FAM135A: variants seen among roughly 807,000 people sequenced by gnomAD.
The protein encoded by FAM135A is family with sequence similarity 135 member A, also known as protein FAM135A.
Under a neutral mutation model 146.8 loss-of-function variants are expected in FAM135A, and 79 were observed. That is an observed-to-expected ratio of 0.54 (90% CI 0.45 to 0.65). The LOEUF (loss-of-function observed/expected upper bound fraction) is 0.65, where lower values mean the gene tolerates loss of function less well. Ranked by LOEUF, FAM135A falls within the 30% of genes least tolerant of loss-of-function variation. The pLI is 0.00. For missense variants in FAM135A, 1,623 were observed against 1,758.2 expected (o/e 0.92, Z 1.38); for synonymous variants, 562 against 603.6 (o/e 0.93, Z 1.01).
At chr6:70,421,685 A>G (rs184862056) in intron 2 of FAM135A, among the ~76,000 whole-genome samples, 16 of 152,276 alleles carry the variant, frequency 1.1e-4, no homozygotes, top group Non-Finnish European at 1.9e-4. Flanking sequence ...ATTCTCACTT[A>G]GTGACCTGGG....
intron 20 of FAM135A, among the ~76,000 whole-genome samples, chr6:70,548,538 T>C (rs532360799): frequency 6.6e-6 from 1 of 152,324 alleles, no homozygotes; most frequent in African/African-American, 2.4e-5. Context: ...TGAGGAGCCA[T>C]AGACACCCTG....
chr6:70,485,551 G>A (rs1019539410), intron 10 of FAM135A, among the ~76,000 whole-genome samples: 5 of 152,058 alleles, frequency 3.3e-5, no homozygotes, highest in Non-Finnish European at 7.4e-5. Context: ...TTAATAAGTG[G>A]ATACAGAGTA....
intron 12 of FAM135A, among the ~76,000 whole-genome samples, chr6:70,517,967 C>CT (rs1163002245): frequency 6.6e-6 from 1 of 152,078 alleles, no homozygotes; most frequent in African/African-American, 2.4e-5. Context: ...GCAATGATCT[C>CT]TAAGTGTTCA....
At chr6:70,430,503 G>C (rs1174686803) in intron 4 of FAM135A, among the ~76,000 whole-genome samples, 1 of 152,158 alleles carries the variant, frequency 6.6e-6, no homozygotes, top group Admixed American at 6.5e-5. Context: ...TTTGTGGACT[G>C]TCCATATGGC....
At chr6:70,493,415 C>T (rs1786497045) in intron 11 of FAM135A, among the ~76,000 whole-genome samples, 1 of 152,042 alleles carries the variant, frequency 6.6e-6, no homozygotes, top group South Asian at 2.1e-4. Flanking sequence ...TTAAAAATAA[C>T]ATATGTATCC....
At position 70,522,494 on chromosome 6, in the gene FAM135A, C is replaced by G. The variant is rs115498956; in HGVS notation, c.1030-19C>G. 3.4e-3 allele frequency: 5,530 copies of G among 1,610,990 alleles called. 178 individuals are homozygous for G. In the African/African-American group the frequency reaches 0.065, roughly 19 times the overall value. Reference sequence around the variant, plus strand: ...TTAAATACGTCATGTTATTAATACTCTCCTTTGGAATTTTTTAGGTACGCA... The same window carrying G: ...TTAAATACGTCATGTTATTAATACTGTCCTTTGGAATTTTTTAGGTACGCA... On this transcript the variant is annotated intron_variant, in intron 12 of 21. Transcript: ENST00000418814.
intron 20 of FAM135A, among the ~76,000 whole-genome samples, chr6:70,543,313 T>G (rs370454112): frequency 1.1e-4 from 17 of 152,174 alleles, no homozygotes; most frequent in African/African-American, 3.9e-4. Context: ...ATTCTACTCT[T>G]GAAATATTTG....
chr6:70,550,938 G>A (rs1799715451), intron 20 of FAM135A, among the ~76,000 whole-genome samples: 1 of 152,170 alleles, frequency 6.6e-6, no homozygotes, highest in South Asian at 2.1e-4. Context: ...CCACTTTTAT[G>A]TTATGGAGAC....
At chr6:70,541,562 T>C (rs1214850206) in intron 20 of FAM135A, among the ~76,000 whole-genome samples, 1 of 152,172 alleles carries the variant, frequency 6.6e-6, no homozygotes, top group Non-Finnish European at 1.5e-5. Flanking sequence ...AAGCTGTTCT[T>C]GTGTTTTAGC....
chr6:70,438,721 A>G lies in FAM135A; in HGVS notation c.77+10302A>G, dbSNP rs1004601318. Among the ~76,000 whole-genome samples the G allele has an allele frequency of 4.6e-5, 7 of 152,300 alleles. No homozygotes were observed. In the East Asian group the frequency reaches 7.7e-4, roughly 17 times the overall value. On this transcript the variant is annotated intron_variant, in intron 4 of 21. Coordinates refer to ENST00000418814, the MANE Select transcript of FAM135A (RefSeq NM_001162529.3). ...AGTTCTCGACTTTAGGAAAGAAAAA[A>G]TCTCTTATGCAGAGGTTGCTAAAAT...
At chr6:70,455,078 ATTTG>A (rs931143369) in intron 5 of FAM135A, among the ~76,000 whole-genome samples, 16 of 152,264 alleles carry the variant, frequency 1.1e-4, no homozygotes, top group African/African-American at 3.4e-4. Context: ...AATGTTTTCC[ATTTG>A]TTTGTGTCCT....
At chr6:70,533,528 A>G (rs962249959) in intron 17 of FAM135A, among the ~76,000 whole-genome samples, 4 of 152,178 alleles carry the variant, frequency 2.6e-5, no homozygotes, top group African/African-American at 9.6e-5. Flanking sequence ...GTAGTGAGCT[A>G]AACAAACAAA....
In FAM135A at chr6:70,559,893, T is replaced by A. The variant is rs1801634394; in HGVS notation, c.4520T>A (p.Leu1507Gln). Residue 1507 changes from leucine (L) to glutamine (Q), a missense_variant, in exon 22 of 22, where the codon CTG becomes CAG. Physicochemically the swap from Leu to Gln is moderately radical, Grantham distance 113. This residue lies in a region of FAM135A where 138 missense variants were observed against 174.1 expected (regional missense o/e 0.79). Coordinates refer to ENST00000418814, the MANE Select transcript of FAM135A (RefSeq NM_001162529.3). Reference sequence around the variant, plus strand: ...GAAATATTTTTAGAGAAATTCTTTCTGGTTGCTGCCCTCAAATATTTCCAA... The same window carrying A: ...GAAATATTTTTAGAGAAATTCTTTCAGGTTGCTGCCCTCAAATATTTCCAA... ...DSEIFLEKFF[L>Q]VAALKYFQ 1 of 1,613,654 alleles carries A rather than the reference T, an allele frequency of 6.2e-7. No homozygotes were observed. Among genetic ancestry groups the A allele is most frequent in the African/African-American group, 1.3e-5 (1 of 74,928 alleles).
intron 2 of FAM135A, among the ~76,000 whole-genome samples, chr6:70,419,970 C>T (rs74818996): frequency 6.6e-6 from 1 of 151,930 alleles, no homozygotes; most frequent in African/African-American, 2.4e-5. Flanking sequence ...GATTTTTAAG[C>T]GTTTTTAATT....
intron 12 of FAM135A, chr6:70,504,244 GTGAT>G (rs1789215690): frequency 6.6e-6 from 1 of 152,168 alleles, no homozygotes; most frequent in East Asian, 1.9e-4. Context: ...ACTGCTTTGT[GTGAT>G]TATTGGTTAT....
chr6:70,529,266 A>T (rs976114047), intron 16 of FAM135A, among the ~76,000 whole-genome samples: 1 of 151,978 alleles, frequency 6.6e-6, no homozygotes, highest in African/African-American at 2.4e-5. Context: ...TTGGTTACTC[A>T]ACAGTTTTTT....
intron 18 of FAM135A, among the ~76,000 whole-genome samples, chr6:70,534,500 G>A (rs778184853): frequency 8.6e-5 from 13 of 151,128 alleles, no homozygotes; most frequent in Non-Finnish European, 1.6e-4. Flanking sequence ...TTGTAGAGAT[G>A]GGGGTTTCAC....
intron 20 of FAM135A, among the ~76,000 whole-genome samples, chr6:70,554,281 T>G (rs1261340760): frequency 6.6e-6 from 1 of 152,254 alleles, no homozygotes; most frequent in Non-Finnish European, 1.5e-5. Flanking sequence ...TATTTGGACT[T>G]ACTTGGAGAA....
At chr6:70,422,306 A>G (rs550705549) in intron 2 of FAM135A, among the ~76,000 whole-genome samples, 16 of 152,320 alleles carry the variant, frequency 1.1e-4, no homozygotes, top group African/African-American at 3.4e-4. Context: ...AAGAGGATCA[A>G]ACAGATCCCC....
Sources: gnomAD v4.1 joint callset for allele counts (sites outside exome capture counted in the v4.1 genomes callset) on GRCh38, gnomAD v4.1.1 for gene constraint, gnomAD v4.1.1 regional missense constraint, MANE v1.5 for transcripts, NCBI Gene and HGNC (gene_info 2026-07-23, HGNC 2026-07-21) for gene names.